Variants in FAF1 observed in about 807,000 individuals in gnomAD.
The protein encoded by FAF1 is FAS-associated factor 1.
In FAF1, 25 loss-of-function variants were observed where a neutral mutation model predicts 92.5. The observed-to-expected ratio is 0.27, with a 90% CI of 0.20 to 0.38. The LOEUF (loss-of-function observed/expected upper bound fraction) is 0.38. FAF1 is among the 10% of genes least tolerant of loss of function. The pLI is 1.00. For missense variants in FAF1, 636 were observed against 793.3 expected, an observed-to-expected ratio of 0.80 and a Z score of 2.38; for synonymous variants, 234 against 273.2, an observed-to-expected ratio of 0.86 and a Z score of 1.42.
chr1:50,451,891 T>C (rs1259741158), intron 18 of FAF1: 2 of 1,081,918 alleles, frequency 1.8e-6, no homozygotes, highest in East Asian at 8.3e-5. Flanking sequence ...TAAGGTATTA[T>C]AATGTTAAAA....
intron 1 of FAF1, among the ~76,000 whole-genome samples, chr1:50,882,563 C>T (rs1222024142): frequency 1.3e-5 from 2 of 151,768 alleles, no homozygotes; most frequent in Non-Finnish European, 2.9e-5. Flanking sequence ...GATCACCTCA[C>T]TGCAGTCCAG....
At chr1:50,950,981 A>G (rs1252820822) in intron 1 of FAF1, among the ~76,000 whole-genome samples, 1 of 152,240 alleles carries the variant, frequency 6.6e-6, no homozygotes, top group Non-Finnish European at 1.5e-5. Context: ...CTGAAATCCC[A>G]GCACTTTGGG....
At chr1:50,442,300 A>C (rs1217724302) in intron 18 of FAF1, among the ~76,000 whole-genome samples, 1 of 152,182 alleles carries the variant, frequency 6.6e-6, no homozygotes, top group Non-Finnish European at 1.5e-5. Context: ...CAATGTTTAA[A>C]AGTTGAGTAA....
intron 7 of FAF1, among the ~76,000 whole-genome samples, chr1:50,681,174 G>A (rs1656404660): frequency 6.6e-6 from 1 of 152,066 alleles, no homozygotes; most frequent in Non-Finnish European, 1.5e-5. Flanking sequence ...AGCCTCCCAA[G>A]TAGCTAGGAT....
intron 12 of FAF1, among the ~76,000 whole-genome samples, chr1:50,579,754 G>A (rs896648794): frequency 6.6e-6 from 1 of 152,114 alleles, no homozygotes; most frequent in Non-Finnish European, 1.5e-5. Flanking sequence ...CAAAGCAAAC[G>A]CCAGGAGGAA....
intron 6 of FAF1, among the ~76,000 whole-genome samples, chr1:50,728,952 A>G (rs1397479057): frequency 6.7e-6 from 1 of 149,806 alleles, no homozygotes; most frequent in Non-Finnish European, 1.5e-5. Flanking sequence ...GAATAGATAC[A>G]GGGAAAAAAA....
chr1:50,770,718 C>T (rs572258797), intron 4 of FAF1, among the ~76,000 whole-genome samples: 54 of 152,164 alleles, frequency 3.5e-4, no homozygotes, highest in Non-Finnish European at 5.3e-4. Flanking sequence ...TACCAAACTA[C>T]CAAGGACATT....
intron 4 of FAF1, among the ~76,000 whole-genome samples, chr1:50,775,192 A>T (rs12071258): frequency 0.02 from 3,055 of 152,216 alleles, 102 homozygotes; most frequent in African/African-American, 0.071. Context: ...TAATGAGTGT[A>T]CATTTTTAAA....
chr1:50,811,723 T>C (rs1422950986), intron 2 of FAF1, among the ~76,000 whole-genome samples: 2 of 152,154 alleles, frequency 1.3e-5, no homozygotes, highest in East Asian at 3.9e-4. Flanking sequence ...AAAATTCATA[T>C]GGAACCAAAA....
rs1441271245 is a variant in FAF1, at chr1:50,491,606, A to C, written c.1575+115T>G. ...AGGATTATATTCTTTCTGTTAACTA[A>C]ATCTAGCTTTCTCTATTGCAAACCC... On this transcript the variant is annotated intron_variant, in intron 16 of 18. Coordinates refer to ENST00000396153, the MANE Select transcript of FAF1 (RefSeq NM_007051.3). 2.8e-5 allele frequency: 19 copies of C among 677,164 alleles called. No homozygotes were observed. In the South Asian group the frequency reaches 3.8e-4, roughly 14 times the overall value. The allele number at this position is 677,164 out of a possible 1,614,324, so 41.9% of individuals were successfully genotyped here.
chr1:50,718,413 T>C (rs1233856833), intron 6 of FAF1, among the ~76,000 whole-genome samples: 1 of 152,220 alleles, frequency 6.6e-6, no homozygotes, highest in Non-Finnish European at 1.5e-5. Context: ...CACTGACAAA[T>C]ATGAGCTCTC....
At chr1:50,734,598 T>G (rs1289700533) in intron 6 of FAF1, among the ~76,000 whole-genome samples, 4 of 151,846 alleles carry the variant, frequency 2.6e-5, no homozygotes, top group African/African-American at 9.7e-5. Flanking sequence ...GCCGGGCGTA[T>G]TGGCGGGCGC....
intron 7 of FAF1, among the ~76,000 whole-genome samples, chr1:50,695,946 GCC>G (rs1657190997): frequency 6.9e-6 from 1 of 145,416 alleles, no homozygotes. Context: ...ACCGTGCTTG[GCC>G]TTTTTTTTTT....
At chr1:50,726,024 G>A (rs150728465) in intron 6 of FAF1, among the ~76,000 whole-genome samples, 1,979 of 152,176 alleles carry the variant, frequency 0.013, 42 homozygotes, top group African/African-American at 0.044. Flanking sequence ...GGAGGCCAAG[G>A]AAGGTGGATC....
chr1:50,746,235 A>G (rs577177207), intron 4 of FAF1, among the ~76,000 whole-genome samples: 1 of 123,306 alleles, frequency 8.1e-6, no homozygotes, highest in Non-Finnish European at 1.6e-5. Flanking sequence ...CAAAGAAATG[A>G]CCTGAAACGA....
intron 2 of FAF1, among the ~76,000 whole-genome samples, chr1:50,818,289 G>A (rs1326219585): frequency 6.6e-6 from 1 of 152,120 alleles, no homozygotes; most frequent in Non-Finnish European, 1.5e-5. Context: ...ATACATTACT[G>A]GTGGGAATGT....
Position 50,504,326 on chromosome 1 carries a change from T to G in FAF1, c.1495-12525A>C, listed in dbSNP as rs181993869. 4.6e-3 allele frequency among the ~76,000 whole-genome samples: 702 copies of G among 152,050 alleles called. 3 individuals carry two copies. Among genetic ancestry groups the G allele is most frequent in the Admixed American group, 7.5e-3 (114 of 15,266 alleles). On this transcript the variant is annotated intron_variant, in intron 15 of 18. Coordinates refer to ENST00000396153, the MANE Select transcript of FAF1 (RefSeq NM_007051.3). ...GCAATACCTAAAGAGATCATGTTTT[T>G]GAATTTTCTAGTATAGATGAAAGAC...
chr1:50,819,730 CATATATATACATATATATATACAT>C (rs758976701), intron 2 of FAF1, among the ~76,000 whole-genome samples: 7,770 of 35,818 alleles, frequency 0.22, 1,251 homozygotes, highest in Non-Finnish European at 0.24. Context: ...TATATATATA[CATATATATACATATATATATACAT>C]ATATATATAC....
chr1:50,516,027 A>G (rs1476190862), intron 15 of FAF1, among the ~76,000 whole-genome samples: 4 of 152,144 alleles, frequency 2.6e-5, no homozygotes, highest in African/African-American at 4.8e-5. Context: ...AGCACTTTAC[A>G]TGTATCAACT....
Sources: gnomAD v4.1 joint callset for allele counts (sites outside exome capture counted in the v4.1 genomes callset) on GRCh38, gnomAD v4.1.1 for gene constraint, MANE v1.5 for transcripts, NCBI Gene and HGNC (gene_info 2026-07-23, HGNC 2026-07-21) for gene names.